The following RP2 variants were observed in gnomAD, a reference collection of about 807,000 sequenced individuals.
RP2 encodes the protein protein XRP2.
A neutral mutation model predicts 20.3 loss-of-function variants in RP2; 3 were observed. The observed-to-expected ratio is 0.15, with a 90% CI of 0.07 to 0.38. The LOEUF is 0.38. Among genes scored for constraint, RP2 ranks in the 10% least tolerant of loss-of-function variants. The pLI is 1.00. For synonymous variants in RP2, 75 were observed against 94.8 expected (o/e 0.79, Z 1.22); for missense variants, 233 against 268.5 (o/e 0.87, Z 0.92).
intron 4 of RP2, among the ~76,000 whole-genome samples, chrX:46,878,181 C>T (rs781977585): frequency 1.8e-5 from 2 of 108,957 alleles, no homozygotes; most frequent in South Asian, 7.9e-4. Context: ...GAGACCATCC[C>T]GGCTAAAACG....
intron 1 of RP2, among the ~76,000 whole-genome samples, chrX:46,849,378 C>T (rs781864409): frequency 6.4e-5 from 7 of 108,794 alleles, no homozygotes; most frequent in Non-Finnish European, 1.3e-4. Context: ...GTTTTTTTAC[C>T]CCCCTTCCAC....
chrX:46,849,596 C>T (rs1348221524), intron 1 of RP2, among the ~76,000 whole-genome samples: 1 of 111,607 alleles, frequency 9.0e-6, no homozygotes, highest in East Asian at 2.8e-4. Flanking sequence ...TGAGAAAGTA[C>T]AGCAACATAA....
chrX:46,861,700 C>T (rs978566062), intron 3 of RP2, among the ~76,000 whole-genome samples: 3 of 111,069 alleles, frequency 2.7e-5, no homozygotes, highest in Non-Finnish European at 5.7e-5. Flanking sequence ...CAAAAATTAG[C>T]TAGGGGTGAT....
rs1556327856 is a variant in RP2 at position 46,877,558 on chromosome X, C to T, written c.937C>T (p.Leu313Phe). Residue 313 changes from leucine (L) to phenylalanine (F), a missense_variant, in exon 4 of 5, where the codon CTT becomes TTT. Transcript: ENST00000218340. The part of the protein sequence containing the change: ...NGDGAVEVCQ[L>F]IVNEIFNGTK... The stretch of plus-strand genomic sequence containing the variant: ...GGATGGTGCTGTAGAAGTATGTCAA[C>T]TTATTGTAAACGAGATATTCAATGG... The T allele has an allele frequency of 8.3e-7, 1 of 1,203,830 alleles. No individual in the cohort carries two copies. The highest frequency in any genetic ancestry group is 2.3e-4 in the Middle Eastern group (1 of 4,322).
chrX:46,852,888 T>G (rs1363908676), intron 1 of RP2, among the ~76,000 whole-genome samples: 1 of 111,661 alleles, frequency 9.0e-6, no homozygotes, highest in Non-Finnish European at 1.9e-5. Context: ...CAGCCTCAGA[T>G]TTTTTTAGAA....
chrX:46,853,409 T>C, intron 1 of RP2, 67 bp from the exon 2 acceptor site: 1 of 1,019,653 alleles, frequency 9.8e-7, no homozygotes, highest in Non-Finnish European at 1.4e-6. Context: ...TGGCAGCCAA[T>C]AGTCCTTTAG....
chrX:46,870,634 G>A (rs1556325955), intron 3 of RP2, among the ~76,000 whole-genome samples: 1 of 111,805 alleles, frequency 8.9e-6, no homozygotes, highest in Non-Finnish European at 1.9e-5. Flanking sequence ...ACCTCACAAA[G>A]GACACTTTCT....
Position 46,853,798 on chromosome X carries a change from A to C in RP2, c.425A>C (p.Asn142Thr), listed in dbSNP as rs782445650. The C allele has an allele frequency of 8.3e-7, 1 of 1,211,918 alleles. No individual in the cohort carries two copies. Among genetic ancestry groups the C allele is most frequent in the East Asian group, 3.0e-5 (1 of 33,877 alleles). Reference protein sequence around the residue: ...ATQPIIESSSNIKFGCFQWYY... With the variant: ...ATQPIIESSSTIKFGCFQWYY... Reference sequence around the variant, plus strand: ...CAACCCATCATTGAGTCTTCCTCAAATATCAAATTTGGATGTTTTCAATGG... The same window carrying C: ...CAACCCATCATTGAGTCTTCCTCAACTATCAAATTTGGATGTTTTCAATGG... The change falls in exon 2 of 5, where the codon AAT (asparagine) becomes ACT (threonine). Residue 142 changes from asparagine to threonine, a missense_variant. Transcript: ENST00000218340.
chrX:46,843,423 T>C (rs1243680010), intron 1 of RP2, among the ~76,000 whole-genome samples: 2 of 112,010 alleles, frequency 1.8e-5, no homozygotes, highest in East Asian at 2.8e-4. Flanking sequence ...TTGATAAAGG[T>C]AAAAAGCATA....
intron 3 of RP2, among the ~76,000 whole-genome samples, chrX:46,871,673 CTTGG>C (rs1925293223): frequency 8.9e-6 from 1 of 111,799 alleles, no homozygotes; most frequent in African/African-American, 3.3e-5. Context: ...TCTGCTGTTG[CTTGG>C]TTGAATTTTC....
intron 3 of RP2, among the ~76,000 whole-genome samples, chrX:46,867,403 C>T (rs1925193550): frequency 8.9e-6 from 1 of 112,881 alleles, no homozygotes; most frequent in Admixed American, 9.3e-5. Flanking sequence ...TCCTAGCCAA[C>T]TTGTTCCTTT....
At chrX:46,864,653 C>T (rs1391064722) in intron 3 of RP2, among the ~76,000 whole-genome samples, 1 of 111,157 alleles carries the variant, frequency 9.0e-6, no homozygotes, top group Non-Finnish European at 1.9e-5. Flanking sequence ...TCATGTGATG[C>T]GTCCGCCTCA....
intron 4 of RP2, among the ~76,000 whole-genome samples, chrX:46,878,376 C>CAAA (rs1327301086): frequency 9.2e-5 from 4 of 43,393 alleles, no homozygotes; most frequent in African/African-American, 2.5e-4. Flanking sequence ...GACTCTGTCT[C>CAAA]AAAAAAAAAA....
At chrX:46,852,163 C>T (rs1924873089) in intron 1 of RP2, among the ~76,000 whole-genome samples, 1 of 110,083 alleles carries the variant, frequency 9.1e-6, no homozygotes, top group Non-Finnish European at 1.9e-5. Flanking sequence ...GCTGAGATTG[C>T]GCCATTGCAT....
chrX:46,879,062 T>TAA (rs35579507), intron 4 of RP2, among the ~76,000 whole-genome samples: 21,433 of 33,034 alleles, frequency 0.65, 8,260 homozygotes, highest in Middle Eastern at 0.86. Flanking sequence ...CTACAAAAAG[T>TAA]AAAAAAAAAA....
intron 3 of RP2, among the ~76,000 whole-genome samples, chrX:46,872,249 T>C (rs1231896012): frequency 8.9e-6 from 1 of 112,590 alleles, no homozygotes; most frequent in East Asian, 2.8e-4. Flanking sequence ...ATCAAGGCTG[T>C]ATATTTAAAG....
intron 1 of RP2, among the ~76,000 whole-genome samples, chrX:46,852,736 C>G (rs1367698890): frequency 9.1e-6 from 1 of 110,358 alleles, no homozygotes; most frequent in African/African-American, 3.3e-5. Context: ...ACATGCGCCA[C>G]CACGCCTGGG....
At chrX:46,879,145 C>T (rs782335657) in intron 4 of RP2, among the ~76,000 whole-genome samples, 43 of 103,245 alleles carry the variant, frequency 4.2e-4, no homozygotes, top group Non-Finnish European at 8.2e-4. Context: ...GGGGCTGAGG[C>T]AGGAGAATCA....
chrX:46,837,389 C>T (rs1216620929), intron 1 of RP2, among the ~76,000 whole-genome samples, 187 bp downstream of exon 1: 3 of 111,438 alleles, frequency 2.7e-5, no homozygotes, highest in African/African-American at 9.8e-5. Flanking sequence ...GAGAGGCCGC[C>T]CAGAGGGCTG....
Sources: gnomAD v4.1 joint callset for allele counts (sites outside exome capture counted in the v4.1 genomes callset) on GRCh38, gnomAD v4.1.1 for gene constraint, MANE v1.5 for transcripts, NCBI Gene and HGNC (gene_info 2026-07-23, HGNC 2026-07-21) for gene names.